Variants in LPA observed in about 807,000 individuals in gnomAD.
LPA encodes apolipoprotein(a).
A neutral mutation model predicts 197.9 loss-of-function variants in LPA; 199 were observed. The ratio of observed to expected loss-of-function variants is 1.01; its 90% confidence interval spans 0.90 to 1.13. The LOEUF (loss-of-function observed/expected upper bound fraction) is 1.13, where lower values mean the gene tolerates loss of function less well. Ranked by LOEUF, LPA falls within the 50% of genes most tolerant of loss-of-function variation. The pLI is 0.00. For missense variants in LPA, 1,853 were observed against 1,785.8 expected, an observed-to-expected ratio of 1.04 and a Z score of -0.68; for synonymous variants, 715 against 639.5, an observed-to-expected ratio of 1.12 and a Z score of -1.78.
intron 1 of LPA, among the ~76,000 whole-genome samples, chr6:160,651,016 A>G (rs1247563327): frequency 6.6e-6 from 1 of 152,208 alleles, no homozygotes; most frequent in Non-Finnish European, 1.5e-5. Context: ...GGATAGGTAG[A>G]TGATCAAATC....
At chr6:160,608,305 A>G (rs1779404682) in intron 16 of LPA, among the ~76,000 whole-genome samples, 1 of 152,140 alleles carries the variant, frequency 6.6e-6, no homozygotes, top group African/African-American at 2.4e-5. Context: ...GGGGCAGTGC[A>G]CAACATACAT....
At chr6:160,654,627 A>C (rs1780100236) in intron 1 of LPA, among the ~76,000 whole-genome samples, 1 of 152,182 alleles carries the variant, frequency 6.6e-6, no homozygotes. Context: ...ATCCTCATAC[A>C]ACCAGAAACG....
intron 36 of LPA, among the ~76,000 whole-genome samples, chr6:160,539,356 T>G (rs997834520): frequency 1.5e-4 from 23 of 152,010 alleles, no homozygotes; most frequent in Admixed American, 1.0e-3. Context: ...TTGTCAGGCT[T>G]AATAAAACAA....
At chr6:160,545,331 C>T (rs1778048510) in intron 33 of LPA, 109 bp downstream of exon 33, 1 of 786,270 alleles carries the variant, frequency 1.3e-6, no homozygotes, top group Non-Finnish European at 2.1e-6. Context: ...GCAGCCATCT[C>T]CTCCCCAGAA....
rs377473848 is a variant in LPA, at chr6:160,606,681, C to T, written c.2604-23G>A. The T allele has an allele frequency of 1.3e-5, 21 of 1,613,570 alleles. No homozygotes were observed. The African/African-American group carries it at 1.9e-4, about 14-fold the overall frequency. On this transcript the variant is annotated intron_variant, in intron 16 of 38. Coordinates refer to ENST00000316300, the MANE Select transcript of LPA (RefSeq NM_005577.4). ...CCACTGGAAATTCCAAAACGATACA[C>T]GTCACAAGAGGTGGGACAATATGCA...
intron 1 of LPA, among the ~76,000 whole-genome samples, chr6:160,654,019 TAATATATAATA>T (rs1562354794): frequency 0.15 from 1,298 of 8,888 alleles, 119 homozygotes; most frequent in South Asian, 0.15. Context: ...ATATTATATA[TAATATATAATA>T]TATATTATAT....
In LPA at chr6:160,594,071, A is replaced by T. The variant is rs746447103; in HGVS notation, c.3516T>A (p.Asp1172Glu). 5 of 1,613,986 alleles carry T rather than the reference A, an allele frequency of 3.1e-6. No homozygotes were observed. The Admixed American group carries it at 8.3e-5, about 27-fold the overall frequency. ...SPGVQDCYHG[D>E]GQSYRGSFST... ...AGAATGAGCCTCGATAACTCTGTCC[A>T]TCACCATGGTAGCAATCCTGGACCC... Residue 1172 changes from aspartate (D) to glutamate (E), a missense_variant, in exon 22 of 39, where the codon GAT (aspartate) becomes GAA (glutamate). Physicochemically the swap from Asp to Glu is conservative, Grantham distance 45. This residue lies in a region of LPA where 1,737 missense variants were observed against 1,504.4 expected (regional missense o/e 1.15). Transcript: ENST00000316300.
intron 17 of LPA, among the ~76,000 whole-genome samples, chr6:160,606,112 C>T (rs1437892809): frequency 1.3e-5 from 2 of 152,172 alleles, no homozygotes; most frequent in Non-Finnish European, 1.5e-5. Flanking sequence ...GCACTGAATG[C>T]TGGCTAATTG....
Position 160,585,046 on chromosome 6 carries a change from G to A in LPA, c.4289C>T (p.Ala1430Val), listed in dbSNP as rs370793685. The A allele has an allele frequency of 2.2e-5, 35 of 1,613,380 alleles. No homozygotes were observed. Among genetic ancestry groups the A allele is most frequent in the South Asian group, 2.1e-4 (19 of 91,070 alleles). ...TTTATGGCTAACATGATAGACATAC[G>A]CATTTGGATAGTATAATGGGATCCT... ...HRRIPLYYPN[A>V]GLTRNYCRNP... is the part of the protein sequence containing the mutation. Residue 1430 changes from alanine (A) to valine (V), a missense_variant and splice_region_variant, in exon 26 of 39, where the codon GCT becomes GTT. Physicochemically the swap from Ala to Val is moderately conservative, Grantham distance 64 (BLOSUM62 0). Transcript: ENST00000316300.
chr6:160,589,593 G>A lies in LPA; in HGVS notation c.3907C>T (p.Pro1303Ser). 1 of 1,613,922 alleles carries A rather than the reference G, an allele frequency of 6.2e-7. No individual in the cohort carries two copies. Among genetic ancestry groups the A allele is most frequent in the Non-Finnish European group, 8.5e-7 (1 of 1,179,858 alleles). Residue 1303 changes from proline to serine, a missense_variant, in exon 24 of 39, where the codon CCA becomes TCA. Pro to Ser is a moderately conservative substitution (Grantham distance 74). Around this residue, in one of 3 missense-constraint regions of LPA, gnomAD observed 1,737 missense variants for 1,504.4 expected, o/e 1.15. Coordinates refer to ENST00000316300, the MANE Select transcript of LPA (RefSeq NM_005577.4). The part of the protein sequence containing the change: ...RTCQSWSSMT[P>S]HWHQRTTEYY... ...TCTGTGGTTCTCTGATGCCAGTGTG[G>A]TGTCATAGAGGACCAAGACTGACAT... is the stretch of plus-strand genomic sequence containing the variant.
intron 37 of LPA, among the ~76,000 whole-genome samples, chr6:160,533,084 T>TA (rs1304424077): frequency 5.9e-5 from 9 of 152,100 alleles, no homozygotes; most frequent in African/African-American, 4.8e-5. Context: ...CATGAGTTTT[T>TA]AAAAAAATGC....
chr6:160,583,947 T>C (rs1438406797), intron 26 of LPA, among the ~76,000 whole-genome samples: 1 of 152,176 alleles, frequency 6.6e-6, no homozygotes, highest in Non-Finnish European at 1.5e-5. Context: ...TCCATATTAT[T>C]CATACTCACT....
chr6:160,567,719 A>G (rs916156080), intron 28 of LPA, among the ~76,000 whole-genome samples: 3 of 152,194 alleles, frequency 2.0e-5, no homozygotes, highest in African/African-American at 7.2e-5. Flanking sequence ...GGTTTTTTGA[A>G]AAGATCAACA....
At chr6:160,574,099 T>A (rs1405524032) in intron 28 of LPA, among the ~76,000 whole-genome samples, 1 of 152,048 alleles carries the variant, frequency 6.6e-6, no homozygotes, top group Non-Finnish European at 1.5e-5. Context: ...GGGGGTGAAG[T>A]TCCCAGGTCA....
Position 160,531,756 on chromosome 6 carries a change from C to T in LPA, c.6096G>A (p.Trp2032Ter). The T allele has an allele frequency of 6.2e-7, 1 of 1,614,112 alleles. No individual in the cohort carries two copies. Among genetic ancestry groups the T allele is most frequent in the East Asian group, 2.2e-5 (1 of 44,882 alleles). The change falls in exon 39 of 39, where the codon TGG (tryptophan) becomes TGA (stop). Residue 2032 changes from tryptophan (W) to a stop codon, truncating the protein, a stop_gained. Transcript: ENST00000316300. LOFTEE classifies it high-confidence loss of function. The part of the protein sequence containing the change: ...VYARVSRFVT[W>*]IEGMMRNN ...AATTATTTCTCATCATTCCCTCAATCCAAGTAACAAACCTTGAAACACGAG... is the reference window on the plus strand; with the variant it reads ...AATTATTTCTCATCATTCCCTCAATTCAAGTAACAAACCTTGAAACACGAG...
chr6:160,592,076 T>C (rs73784300), intron 22 of LPA, among the ~76,000 whole-genome samples: 1,649 of 152,314 alleles, frequency 0.011, 34 homozygotes, highest in African/African-American at 0.038. Flanking sequence ...TGTTTGGAAA[T>C]TTGTCAGCCG....
intron 18 of LPA, 69 bp from the exon 19 acceptor site, chr6:160,601,167 A>G (rs912675337): frequency 2.1e-6 from 3 of 1,421,466 alleles, no homozygotes; most frequent in Non-Finnish European, 3.0e-6. Flanking sequence ...ATATTTTGCT[A>G]CAACAAGGTC....
intron 2 of LPA, among the ~76,000 whole-genome samples, chr6:160,647,806 T>C (rs1229114095): frequency 6.6e-6 from 1 of 152,370 alleles, no homozygotes; most frequent in East Asian, 1.9e-4. Context: ...AAGTTAAATA[T>C]ATTGGTATCA....
chr6:160,547,949 A>C lies in LPA; in HGVS notation c.5156-12T>G. On this transcript the variant is annotated splice_polypyrimidine_tract_variant and intron_variant, in intron 31 of 38. Coordinates refer to ENST00000316300, the MANE Select transcript of LPA (RefSeq NM_005577.4). ...CCCAAACATACAGTCTGTAGAAAAA[A>C]ATAAAAATAAAACAGATGATTACAG... The C allele has an allele frequency of 6.2e-7, 1 of 1,613,962 alleles. No individual in the cohort carries two copies. Among genetic ancestry groups the C allele is most frequent in the Non-Finnish European group, 8.5e-7 (1 of 1,179,956 alleles).
Sources: allele counts gnomAD v4.1 joint callset (sites outside exome capture counted in the v4.1 genomes callset), GRCh38; gene constraint gnomAD v4.1.1; regional missense constraint gnomAD v4.1.1; transcripts MANE v1.5; gene names NCBI Gene and HGNC (gene_info 2026-07-23, HGNC 2026-07-21).